BNC2: variants seen among roughly 807,000 people sequenced by gnomAD.
The protein encoded by BNC2 is basonuclin zinc finger protein 2.
Under a neutral mutation model 76.3 loss-of-function variants are expected in BNC2, and 20 were observed. The observed-to-expected ratio is 0.26, with a 90% confidence interval of 0.18 to 0.38. The LOEUF (loss-of-function observed/expected upper bound fraction) is 0.38, where lower values mean the gene tolerates loss of function less well. BNC2 is among the 10% of genes least tolerant of loss of function. BNC2 has a pLI of 1.00. For synonymous variants in BNC2, 582 were observed against 514.8 expected, an observed-to-expected ratio of 1.13 and a Z score of -1.77; for missense variants, 1,382 against 1,399.8, an observed-to-expected ratio of 0.99 and a Z score of 0.20.
intron 1 of BNC2, among the ~76,000 whole-genome samples, chr9:16,813,315 G>T (rs1373913354): frequency 6.6e-6 from 1 of 151,800 alleles, no homozygotes; most frequent in Admixed American, 6.6e-5. Flanking sequence ...GCCCAGGCTG[G>T]AGTGCAGTGG....
intron 5 of BNC2, among the ~76,000 whole-genome samples, chr9:16,509,727 A>T (rs1822710411): frequency 6.6e-6 from 1 of 152,228 alleles, no homozygotes; most frequent in African/African-American, 2.4e-5. Context: ...GAAAATTGTT[A>T]TCTGGCCAAA....
Position 16,412,786 on chromosome 9 carries a change from T to G in BNC2, c.*6203A>C, listed in dbSNP as rs1339023522. 1 of 150,522 alleles carries G rather than the reference T, an allele frequency of 6.6e-6. No individual in the cohort carries two copies. The highest frequency in any genetic ancestry group is 2.5e-5 in the African/African-American group (1 of 40,802). 9.3% of individuals were successfully genotyped at this position (150,522 alleles called of 1,614,324 possible). ...GAGAGACTGACTGATTGTGGATGTGTGTGTACATCAGGGAACTCGATGGGA... is the reference window on the plus strand; with the variant it reads ...GAGAGACTGACTGATTGTGGATGTGGGTGTACATCAGGGAACTCGATGGGA... On this transcript the variant is annotated 3_prime_UTR_variant, in exon 7 of 7. Transcript: ENST00000380672.
At chr9:16,521,164 G>C (rs1817606932) in intron 5 of BNC2, among the ~76,000 whole-genome samples, 2 of 152,286 alleles carry the variant, frequency 1.3e-5, no homozygotes, top group South Asian at 4.1e-4. Context: ...GAGTTTTCTA[G>C]AAAACTCAAG....
At chr9:16,764,953 A>T (rs935356562) in intron 1 of BNC2, among the ~76,000 whole-genome samples, 6 of 152,048 alleles carry the variant, frequency 3.9e-5, no homozygotes, top group African/African-American at 1.2e-4. Context: ...AAAAAGAAGG[A>T]GAGAGAGAAC....
At chr9:16,678,349 G>A (rs918560667) in intron 3 of BNC2, among the ~76,000 whole-genome samples, 1 of 136,310 alleles carries the variant, frequency 7.3e-6, no homozygotes, top group African/African-American at 2.9e-5. Flanking sequence ...TGCAATCTCG[G>A]CTCACTGCAG....
intron 4 of BNC2, among the ~76,000 whole-genome samples, chr9:16,577,763 G>C (rs1480955878): frequency 6.6e-6 from 1 of 152,166 alleles, no homozygotes; most frequent in Non-Finnish European, 1.5e-5. Flanking sequence ...CAAAATTCCA[G>C]TGCAACAAGC....
intron 3 of BNC2, among the ~76,000 whole-genome samples, chr9:16,724,357 A>C (rs1824251642): frequency 6.6e-6 from 1 of 152,054 alleles, no homozygotes; most frequent in Non-Finnish European, 1.5e-5. Context: ...TTTGAAAAGC[A>C]AGCCTCATTT....
intron 1 of BNC2, among the ~76,000 whole-genome samples, chr9:16,778,208 C>T (rs1192736400): frequency 6.6e-6 from 1 of 152,286 alleles, no homozygotes; most frequent in South Asian, 2.1e-4. Flanking sequence ...TACAATTACT[C>T]TCATAATGAG....
intron 2 of BNC2, among the ~76,000 whole-genome samples, chr9:16,728,762 A>C (rs911612116): frequency 6.6e-6 from 1 of 152,070 alleles, no homozygotes. Context: ...GAAGATGCAC[A>C]ATAAACATTT....
At chr9:16,861,613 C>T (rs920338639) in intron 1 of BNC2, among the ~76,000 whole-genome samples, 2 of 152,110 alleles carry the variant, frequency 1.3e-5, no homozygotes, top group African/African-American at 4.8e-5. Context: ...ATCAAAACCA[C>T]AGAGATATCA....
At chr9:16,824,413 CAT>C (rs1212268601) in intron 1 of BNC2, among the ~76,000 whole-genome samples, 1 of 152,224 alleles carries the variant, frequency 6.6e-6, no homozygotes, top group East Asian at 1.9e-4. Context: ...CTAAAGGCCA[CAT>C]ATATGACACT....
At chr9:16,804,984 C>T (rs1378537047) in intron 1 of BNC2, among the ~76,000 whole-genome samples, 1 of 152,008 alleles carries the variant, frequency 6.6e-6, no homozygotes, top group Non-Finnish European at 1.5e-5. Flanking sequence ...ATCTCTTGAA[C>T]TCGGGAGGTG....
rs187734023 is a variant in BNC2 at position 16,417,729 on chromosome 9, G to A, written c.*1260C>T. 1.2e-4 allele frequency: 19 copies of A among 152,698 alleles called. No homozygotes were observed. The highest frequency in any genetic ancestry group is 7.2e-4 in the Admixed American group (11 of 15,296). The allele number at this position is 152,698 out of a possible 1,614,324, so 9.5% of individuals were successfully genotyped here. A position where few individuals can be genotyped will look rare whatever the true frequency, so the allele number is the denominator to read the frequency against. On this transcript the variant is annotated 3_prime_UTR_variant, in exon 7 of 7. Coordinates refer to ENST00000380672, the MANE Select transcript of BNC2 (RefSeq NM_017637.6). ...ACTGTATTCATCTTTGTTCCGTAGC[G>A]GGTAATTTGGGCTTTTGTATCCTGA...
At chr9:16,733,106 C>G (rs974660297) in intron 2 of BNC2, among the ~76,000 whole-genome samples, 3 of 152,188 alleles carry the variant, frequency 2.0e-5, no homozygotes, top group Non-Finnish European at 4.4e-5. Flanking sequence ...AGGCTGGACT[C>G]AGTCACAGAA....
chr9:16,778,390 A>G (rs1314955019), intron 1 of BNC2, among the ~76,000 whole-genome samples: 2 of 152,208 alleles, frequency 1.3e-5, no homozygotes, highest in Non-Finnish European at 1.5e-5. Context: ...CAAACTTTGG[A>G]AGAAAAAACC....
chr9:16,513,323 T>C (rs964689056), intron 5 of BNC2, among the ~76,000 whole-genome samples: 1 of 125,272 alleles, frequency 8.0e-6, no homozygotes, highest in African/African-American at 3.7e-5. Context: ...TTTTTTTTTT[T>C]TGAGACAGAG....
At chr9:16,450,057 T>C (rs1203167753) in intron 5 of BNC2, among the ~76,000 whole-genome samples, 1 of 152,218 alleles carries the variant, frequency 6.6e-6, no homozygotes, top group South Asian at 2.1e-4. Context: ...AGAATCTTTG[T>C]AATTGAGAAC....
intron 3 of BNC2, among the ~76,000 whole-genome samples, chr9:16,709,714 G>A (rs1162377421): frequency 1.3e-5 from 2 of 152,150 alleles, no homozygotes; most frequent in African/African-American, 4.8e-5. Flanking sequence ...TAACCTGTGG[G>A]AGAGACAGGG....
At chr9:16,702,928 C>T (rs557991570) in intron 3 of BNC2, among the ~76,000 whole-genome samples, 2 of 152,346 alleles carry the variant, frequency 1.3e-5, no homozygotes, top group African/African-American at 4.8e-5. Context: ...CATTTTTTCA[C>T]TATTCCACGA....
Sources: allele counts gnomAD v4.1 joint callset (sites outside exome capture counted in the v4.1 genomes callset), GRCh38; gene constraint gnomAD v4.1.1; transcripts MANE v1.5; gene names NCBI Gene and HGNC (gene_info 2026-07-23, HGNC 2026-07-21).